Variants in DNAJC17 observed in about 807,000 individuals in gnomAD.
DNAJC17 encodes DnaJ heat shock protein family (Hsp40) member C17, also known as dnaJ homolog subfamily C member 17.
DNAJC17 carries 35 observed loss-of-function variants against 48.1 expected under a neutral mutation model. The observed-to-expected ratio is 0.73, with a 90% CI of 0.56 to 0.96. DNAJC17 has a LOEUF of 0.96. Ranked by LOEUF, DNAJC17 falls within the 50% of genes least tolerant of loss-of-function variation. The pLI, the probability that DNAJC17 is intolerant of heterozygous loss-of-function variation, is 0.00. For synonymous variants in DNAJC17, 117 were observed against 142.7 expected (o/e 0.82, Z 1.28); for missense variants, 355 against 377.1 (o/e 0.94, Z 0.48).
At chr15:40,778,358 A>G (rs1889387136) in intron 4 of DNAJC17, among the ~76,000 whole-genome samples, 1 of 152,028 alleles carries the variant, frequency 6.6e-6, no homozygotes, top group Admixed American at 6.5e-5. Flanking sequence ...GGTTCAAGCA[A>G]TTCTCTGCCT....
At position 40,767,935 on chromosome 15, in the gene DNAJC17, TG is replaced by T. The variant is rs765477350; in HGVS notation, c.*4del. The T allele has an allele frequency of 6.2e-7, 1 of 1,612,068 alleles. No individual in the cohort carries two copies. The highest frequency in any genetic ancestry group is 1.3e-5 in the African/African-American group (1 of 74,750). On this transcript the variant is annotated 3_prime_UTR_variant, in exon 11 of 11. Coordinates refer to ENST00000220496, the MANE Select transcript of DNAJC17 (RefSeq NM_018163.3). ...GGGCTGAGGGGTGGATGGCTGGAGCTGGGGCTACGTAGGCGGCCCCTCCTGG... is the reference window on the plus strand; with the variant it reads ...GGGCTGAGGGGTGGATGGCTGGAGCTGGGCTACGTAGGCGGCCCCTCCTGG...
At chr15:40,776,386 G>T in intron 5 of DNAJC17, 94 bp from the exon 6 acceptor site, 2 of 1,482,656 alleles carry the variant, frequency 1.3e-6, no homozygotes, top group Non-Finnish European at 9.3e-7. Context: ...CCACCTGCAA[G>T]CTAGGGCTCA....
At position 40,779,560 on chromosome 15, in the gene DNAJC17, G is replaced by C. The variant is rs377573607; in HGVS notation, c.192C>G (p.Thr64=). Residue 64 remains threonine (T), a synonymous_variant, in exon 3 of 11, where the codon ACC becomes ACG. Coordinates refer to ENST00000220496, the MANE Select transcript of DNAJC17 (RefSeq NM_018163.3). ...CTGTGCTTACCCTGGCTGCAGCATC[G>C]GTCAGCACCTCCAAGGCCTGAGAAA... is the stretch of plus-strand genomic sequence containing the variant. The part of the protein sequence containing the change: ...HQLSQALEVL[T]DAAARAAYDK... 69 of 1,613,988 alleles carry C rather than the reference G, an allele frequency of 4.3e-5. No homozygotes were observed. Among genetic ancestry groups the C allele is most frequent in the Non-Finnish European group, 5.8e-5 (68 of 1,180,032 alleles).
chr15:40,802,157 GAA>G (rs1443405896), intron 1 of DNAJC17, among the ~76,000 whole-genome samples: 1 of 150,510 alleles, frequency 6.6e-6, no homozygotes, highest in Non-Finnish European at 1.5e-5. Context: ...AGAGAGAATT[GAA>G]AGAGTTCAAT....
At chr15:40,801,553 A>G (rs561582904) in intron 1 of DNAJC17, among the ~76,000 whole-genome samples, 104 of 152,180 alleles carry the variant, frequency 6.8e-4, no homozygotes, top group Middle Eastern at 6.8e-3. Flanking sequence ...TCAGGAGATC[A>G]AGACCATCCT....
At chr15:40,803,555 T>C (rs1279107306) in intron 1 of DNAJC17, among the ~76,000 whole-genome samples, 1 of 152,226 alleles carries the variant, frequency 6.6e-6, no homozygotes, top group Non-Finnish European at 1.5e-5. Flanking sequence ...TATTAATATA[T>C]ACATTTGCTT....
At chr15:40,788,712 AAT>A (rs1326273409) in intron 1 of DNAJC17, among the ~76,000 whole-genome samples, 1 of 150,534 alleles carries the variant, frequency 6.6e-6, no homozygotes, top group African/African-American at 2.4e-5. Context: ...AAAAAAAAAA[AAT>A]TTTTTTTTAA....
rs569644594 is a variant in DNAJC17 at position 40,769,583 on chromosome 15, C to A, written c.793-1521G>T. Among the ~76,000 whole-genome samples the A allele has an allele frequency of 2.4e-4, 37 of 152,350 alleles. 1 individual carries two copies. The highest frequency in any genetic ancestry group is 7.9e-4 in the African/African-American group (33 of 41,588). On this transcript the variant is annotated intron_variant, in intron 10 of 10. Transcript: ENST00000220496. The surrounding 1 kb of genome is among the most constrained non-coding windows in gnomAD (Gnocchi z 4.2). ...CACACCCTCTGCCCCCCTTCCTGTT[C>A]CTGCTCGTGAGGGCCTGACAGCGGG... is the stretch of plus-strand genomic sequence containing the variant.
chr15:40,799,477 T>C (rs1241183887), intron 1 of DNAJC17, among the ~76,000 whole-genome samples: 1 of 152,102 alleles, frequency 6.6e-6, no homozygotes, highest in South Asian at 2.1e-4. Flanking sequence ...TGTTGTGATA[T>C]GAGGGAAGAA....
At chr15:40,798,303 TAGAG>T (rs1271931828) in intron 1 of DNAJC17, among the ~76,000 whole-genome samples, 1 of 152,052 alleles carries the variant, frequency 6.6e-6, no homozygotes, top group Admixed American at 6.6e-5. Flanking sequence ...CAAATTCATA[TAGAG>T]AAAGAAAGTA....
chr15:40,782,354 G>T (rs1048618316), intron 1 of DNAJC17, among the ~76,000 whole-genome samples: 1 of 152,216 alleles, frequency 6.6e-6, no homozygotes, highest in Non-Finnish European at 1.5e-5. Flanking sequence ...CAAGGATTTT[G>T]AGGCTGCCGT....
At chr15:40,807,196 G>A in intron 1 of DNAJC17, 173 bp downstream of exon 1, 1 of 1,481,016 alleles carries the variant, frequency 6.8e-7, no homozygotes, top group Non-Finnish European at 9.0e-7. Flanking sequence ...TGAGGCCCTC[G>A]GACCGTCCAG....
chr15:40,794,712 A>AATTTATTT (rs1197831781), intron 1 of DNAJC17, among the ~76,000 whole-genome samples: 5 of 152,044 alleles, frequency 3.3e-5, no homozygotes, highest in Non-Finnish European at 5.9e-5. Flanking sequence ...CTCTTTATTA[A>AATTTATTT]ATTTATTTAT....
chr15:40,803,101 CAAA>C (rs780051630), intron 1 of DNAJC17, among the ~76,000 whole-genome samples: 14 of 45,546 alleles, frequency 3.1e-4, no homozygotes, highest in Admixed American at 2.4e-4. Context: ...GACCCTGGGT[CAAA>C]AAAAAAAAAA....
At chr15:40,779,365 C>T (rs777688276) in intron 3 of DNAJC17, 55 bp from the exon 4 acceptor site, 1 of 1,597,894 alleles carries the variant, frequency 6.3e-7, no homozygotes, top group Non-Finnish European at 8.6e-7. Flanking sequence ...AAAGACAGAG[C>T]CCCGGCAATC....
chr15:40,783,228 A>G (rs1889550891), intron 1 of DNAJC17, among the ~76,000 whole-genome samples: 1 of 152,114 alleles, frequency 6.6e-6, no homozygotes, highest in African/African-American at 2.4e-5. Context: ...TCAATAAGTA[A>G]AACAATACCA....
Position 40,770,405 on chromosome 15 carries a change from C to T in DNAJC17, c.793-2343G>A. ...CCTGAGGCCTCTGCTCCTAGGGGAG[C>T]CTCCCCAGCTGCTGGCACTCACTGC... On this transcript the variant is annotated intron_variant, in intron 10 of 10. Coordinates refer to ENST00000220496, the MANE Select transcript of DNAJC17 (RefSeq NM_018163.3). This position sits in a 1 kb window ranked among gnomAD's most constrained non-coding sequence, Gnocchi z 5.0. 2 of 1,305,956 alleles carry T rather than the reference C, an allele frequency of 1.5e-6. No homozygotes were observed. Among genetic ancestry groups the T allele is most frequent in the Non-Finnish European group, 2.1e-6 (2 of 968,774 alleles). The allele number at this position is 1,305,956 out of a possible 1,614,324, so 80.9% of individuals were successfully genotyped here.
In DNAJC17 at chr15:40,769,596, G is replaced by T. The variant is rs564016053; in HGVS notation, c.793-1534C>A. Among the ~76,000 whole-genome samples the T allele has an allele frequency of 6.6e-6, 1 of 152,336 alleles. No homozygotes were observed. The highest frequency in any genetic ancestry group is 2.4e-5 in the African/African-American group (1 of 41,570). The stretch of plus-strand genomic sequence containing the variant: ...CCCCTTCCTGTTCCTGCTCGTGAGG[G>T]CCTGACAGCGGGGCTGAGTCACCCA... On this transcript the variant is annotated intron_variant, in intron 10 of 10. Coordinates refer to ENST00000220496, the MANE Select transcript of DNAJC17 (RefSeq NM_018163.3). This position sits in a 1 kb window ranked among gnomAD's most constrained non-coding sequence, Gnocchi z 4.2.
At chr15:40,781,993 G>A (rs1468287533) in intron 1 of DNAJC17, among the ~76,000 whole-genome samples, 1 of 152,088 alleles carries the variant, frequency 6.6e-6, no homozygotes, top group Non-Finnish European at 1.5e-5. Context: ...GGCGGTTGAG[G>A]CGAGAGGATC....
Sources: gnomAD v4.1 joint callset for allele counts (sites outside exome capture counted in the v4.1 genomes callset) on GRCh38, gnomAD v4.1.1 for gene constraint, Gnocchi (gnomAD v3.1) non-coding constraint, MANE v1.5 for transcripts, NCBI Gene and HGNC (gene_info 2026-07-23, HGNC 2026-07-21) for gene names.